Variants in LRBA observed in about 807,000 individuals in gnomAD.
LRBA encodes LPS responsive beige-like anchor protein.
Under a neutral mutation model 330.0 loss-of-function variants are expected in LRBA, and 176 were observed. The observed-to-expected ratio is 0.53, with a 90% CI of 0.47 to 0.60. The LOEUF is 0.60. Ranked by LOEUF, LRBA falls within the 20% of genes least tolerant of loss-of-function variation. The probability of loss-of-function intolerance (pLI) is 0.00; values close to 1 mark genes in which losing one functional copy is unlikely to be tolerated. For synonymous variants in LRBA, 1,230 were observed against 1,193.0 expected (o/e 1.03, Z -0.64); for missense variants, 3,259 against 3,444.8 (o/e 0.95, Z 1.35).
chr4:150,817,565 G>C (rs1744784950), intron 30 of LRBA, among the ~76,000 whole-genome samples: 1 of 151,160 alleles, frequency 6.6e-6, no homozygotes, highest in Admixed American at 6.6e-5. Flanking sequence ...AAGTATTAAA[G>C]CAGAAAATTC....
intron 47 of LRBA, among the ~76,000 whole-genome samples, chr4:150,412,944 A>G (rs1190284123): frequency 6.6e-6 from 1 of 151,786 alleles, no homozygotes; most frequent in Non-Finnish European, 1.5e-5. Context: ...TAGTTAAAAA[A>G]TATTTTCAAA....
chr4:150,559,665 A>AT (rs1767862025), intron 40 of LRBA, among the ~76,000 whole-genome samples: 1 of 86,142 alleles, frequency 1.2e-5, no homozygotes, highest in Non-Finnish European at 2.1e-5. Flanking sequence ...TAATTATAAT[A>AT]TATATATTAT....
At chr4:150,849,165 G>A (rs1379671937) in intron 25 of LRBA, among the ~76,000 whole-genome samples, 167 bp from the exon 26 acceptor site, 1 of 152,140 alleles carries the variant, frequency 6.6e-6, no homozygotes, top group South Asian at 2.1e-4. Context: ...GGGGGATGAG[G>A]AGGAGCAACA....
intron 48 of LRBA, among the ~76,000 whole-genome samples, chr4:150,341,033 G>A (rs2127011037): frequency 6.6e-6 from 1 of 152,314 alleles, no homozygotes; most frequent in East Asian, 1.9e-4. Context: ...AAAGTGGACT[G>A]TAGGTAGGCA....
intron 2 of LRBA, among the ~76,000 whole-genome samples, chr4:151,006,729 T>A (rs1744112102): frequency 6.6e-6 from 1 of 152,160 alleles, no homozygotes; most frequent in African/African-American, 2.4e-5. Flanking sequence ...CCAAATGATT[T>A]CTCAGTTTAA....
chr4:150,838,467 T>C (rs1007210326), intron 28 of LRBA, among the ~76,000 whole-genome samples: 3 of 152,202 alleles, frequency 2.0e-5, no homozygotes, highest in Non-Finnish European at 4.4e-5. Flanking sequence ...TAGTCCCATA[T>C]TTCTTGGAGG....
chr4:150,332,179 C>T (rs973464013), intron 48 of LRBA, among the ~76,000 whole-genome samples: 2 of 152,134 alleles, frequency 1.3e-5, no homozygotes, highest in African/African-American at 2.4e-5. Flanking sequence ...CTAGCCCCAA[C>T]CACTGTCCAT....
chr4:150,584,384 A>C, intron 40 of LRBA: 3 of 268,098 alleles, frequency 1.1e-5, no homozygotes, highest in Non-Finnish European at 1.5e-5. Flanking sequence ...CCACCACAAA[A>C]TGAAACCCAA....
intron 46 of LRBA, chr4:150,422,929 T>C (rs1033366098): frequency 7.5e-6 from 6 of 795,240 alleles, no homozygotes; most frequent in Admixed American, 3.4e-5. Flanking sequence ...GCCAGCTCTG[T>C]ACAAGACTTC....
At chr4:150,489,510 A>ACAT (rs1176262751) in intron 41 of LRBA, among the ~76,000 whole-genome samples, 10 of 103,502 alleles carry the variant, frequency 9.7e-5, no homozygotes, top group African/African-American at 4.0e-4. Flanking sequence ...ATATAAGAAT[A>ACAT]TATAATATAT....
chr4:150,974,099 A>C (rs1458988741), intron 2 of LRBA, among the ~76,000 whole-genome samples: 1 of 152,204 alleles, frequency 6.6e-6, no homozygotes, highest in African/African-American at 2.4e-5. Flanking sequence ...CATAAAGTGG[A>C]AAACTAAACA....
chr4:150,774,021 T>C (rs1315156296), intron 34 of LRBA, among the ~76,000 whole-genome samples: 1 of 152,210 alleles, frequency 6.6e-6, no homozygotes, highest in Admixed American at 6.5e-5. Flanking sequence ...AGATTAACAG[T>C]ATAAATTTTG....
chr4:150,657,140 A>T (rs918839755), intron 37 of LRBA, among the ~76,000 whole-genome samples: 9 of 152,190 alleles, frequency 5.9e-5, no homozygotes, highest in Admixed American at 6.5e-5. Context: ...AAATATACAA[A>T]ATCAGGAAAT....
At chr4:150,809,933 A>G (rs1352087846) in intron 31 of LRBA, among the ~76,000 whole-genome samples, 1 of 148,694 alleles carries the variant, frequency 6.7e-6, no homozygotes, top group Non-Finnish European at 1.5e-5. Flanking sequence ...ACGATACGAT[A>G]CTTCCCTCTG....
intron 2 of LRBA, among the ~76,000 whole-genome samples, chr4:151,003,328 C>A (rs891199765): frequency 7.0e-6 from 1 of 143,100 alleles, no homozygotes; most frequent in South Asian, 2.2e-4. Context: ...ACCTGGGAGG[C>A]GAAGGTTACA....
At chr4:150,687,792 A>G (rs1017824880) in intron 36 of LRBA, among the ~76,000 whole-genome samples, 3 of 151,970 alleles carry the variant, frequency 2.0e-5, no homozygotes, top group Non-Finnish European at 4.4e-5. Context: ...CCTTTGCATG[A>G]AAGTAAGAGA....
At chr4:150,507,077 A>G (rs556811039) in intron 40 of LRBA, among the ~76,000 whole-genome samples, 2 of 151,904 alleles carry the variant, frequency 1.3e-5, no homozygotes, top group South Asian at 4.2e-4. Context: ...GAAATAAAAG[A>G]GGATACAAAC....
chr4:150,863,668 A>C (rs1156818540), intron 22 of LRBA, among the ~76,000 whole-genome samples: 3 of 152,192 alleles, frequency 2.0e-5, no homozygotes, highest in Non-Finnish European at 4.4e-5. Flanking sequence ...TCCTGAGCTT[A>C]CACAGCTAAT....
intron 35 of LRBA, among the ~76,000 whole-genome samples, chr4:150,761,042 G>A (rs1327587756): frequency 1.3e-5 from 2 of 152,074 alleles, no homozygotes; most frequent in Non-Finnish European, 2.9e-5. Context: ...GAACATTGCT[G>A]AAACAGTAAG....
Sources: allele counts gnomAD v4.1 joint callset (sites outside exome capture counted in the v4.1 genomes callset), GRCh38; gene constraint gnomAD v4.1.1; transcripts MANE v1.5; gene names NCBI Gene and HGNC (gene_info 2026-07-23, HGNC 2026-07-21).